RIMS2: variants seen among roughly 807,000 people sequenced by gnomAD.
RIMS2 encodes the protein regulating synaptic membrane exocytosis protein 2.
A neutral mutation model predicts 174.4 loss-of-function variants in RIMS2; 59 were observed. The ratio of observed to expected loss-of-function variants is 0.34; its 90% confidence interval spans 0.27 to 0.42. The LOEUF is 0.42. Among genes scored for constraint, RIMS2 ranks in the 10% least tolerant of loss-of-function variants. The pLI, the probability that RIMS2 is intolerant of heterozygous loss-of-function variation, is 1.00. For synonymous variants in RIMS2, 606 were observed against 572.5 expected (o/e 1.06, Z -0.84); for missense variants, 1,620 against 1,666.3 (o/e 0.97, Z 0.48).
chr8:104,238,195 A>G (rs978805037), intron 19 of RIMS2, among the ~76,000 whole-genome samples: 1 of 152,134 alleles, frequency 6.6e-6, no homozygotes, highest in African/African-American at 2.4e-5. Flanking sequence ...AAACTAACAC[A>G]GAACAGAAAA....
At chr8:104,231,324 G>C (rs1306282372) in intron 19 of RIMS2, among the ~76,000 whole-genome samples, 1 of 151,340 alleles carries the variant, frequency 6.6e-6, no homozygotes. Context: ...CCTTTAGCCT[G>C]ACATTCAAGT....
intron 2 of RIMS2, among the ~76,000 whole-genome samples, chr8:103,760,766 C>T (rs546397545): frequency 1.7e-4 from 26 of 152,268 alleles, no homozygotes; most frequent in Middle Eastern, 3.4e-3. Flanking sequence ...TGCTTATTGT[C>T]TCCCTAGTAC....
intron 2 of RIMS2, among the ~76,000 whole-genome samples, chr8:103,704,447 G>C (rs2097201243): frequency 6.6e-6 from 1 of 151,818 alleles, no homozygotes; most frequent in Non-Finnish European, 1.5e-5. Context: ...CTGTGTCTTT[G>C]CCTGTTTTCA....
At chr8:104,079,598 GATATATAT>G (rs5893676) in intron 19 of RIMS2, among the ~76,000 whole-genome samples, 659 of 50,952 alleles carry the variant, frequency 0.013, 6 homozygotes, top group East Asian at 0.032. Flanking sequence ...GATTAAGCAT[GATATATAT>G]ATATATATAT....
At position 103,885,591 on chromosome 8, in the gene RIMS2, C is replaced by T. The variant is rs1360252085; in HGVS notation, c.992C>T (p.Ser331Leu). Residue 331 changes from serine (S) to leucine (L), a missense_variant, in exon 4 of 24, where the codon TCA becomes TTA. Physicochemically the swap from Ser to Leu is moderately radical, Grantham distance 145 (BLOSUM62 -2). Coordinates refer to ENST00000504942, the Ensembl canonical transcript of RIMS2. ...CAAAGGAGAGAGGAAGAGTACCAGTCACGCTACCGAAGTGATCCGAATTTG... is the reference window on the plus strand; with the variant it reads ...CAAAGGAGAGAGGAAGAGTACCAGTTACGCTACCGAAGTGATCCGAATTTG... The T allele has an allele frequency of 1.2e-6, 2 of 1,612,826 alleles. No individual in the cohort carries two copies. The highest frequency in any genetic ancestry group is 1.7e-5 in the Admixed American group (1 of 59,784).
intron 1 of RIMS2, among the ~76,000 whole-genome samples, chr8:103,649,648 C>CTTTTTTTTTTTTTTTTTTTT (rs71575979): frequency 7.0e-6 from 1 of 143,408 alleles, no homozygotes. Flanking sequence ...CCTTTTCATT[C>CTTTTTTTTTTTTTTTTTTTT]TTTTTTTTTT....
chr8:104,016,506 A>G (rs2095910823), intron 19 of RIMS2, among the ~76,000 whole-genome samples: 1 of 152,044 alleles, frequency 6.6e-6, no homozygotes, highest in South Asian at 2.1e-4. Flanking sequence ...ATCCAGTGAT[A>G]TTGTGACTGA....
At chr8:103,793,136 G>A (rs1005154327) in intron 3 of RIMS2, among the ~76,000 whole-genome samples, 1 of 152,126 alleles carries the variant, frequency 6.6e-6, no homozygotes, top group Non-Finnish European at 1.5e-5. Context: ...TAAAAAAAGA[G>A]AATTTTAGAC....
intron 1 of RIMS2, among the ~76,000 whole-genome samples, chr8:103,580,557 A>G (rs2093550010): frequency 6.6e-6 from 1 of 152,160 alleles, no homozygotes; most frequent in African/African-American, 2.4e-5. Context: ...TAGTACATAA[A>G]GCAAACATTA....
chr8:104,214,434 C>A (rs1488285719), intron 19 of RIMS2, among the ~76,000 whole-genome samples: 3 of 152,052 alleles, frequency 2.0e-5, no homozygotes, highest in African/African-American at 7.2e-5. Flanking sequence ...ACAAGACAGA[C>A]AAACCCTTAT....
At chr8:103,922,188 T>G (rs1212230276) in intron 10 of RIMS2, among the ~76,000 whole-genome samples, 1 of 151,960 alleles carries the variant, frequency 6.6e-6, no homozygotes, top group Non-Finnish European at 1.5e-5. Flanking sequence ...GCTTTTCAAC[T>G]TTAAGGATAT....
At position 104,190,157 on chromosome 8, in the gene RIMS2, C is replaced by G. The variant is rs148128691; in HGVS notation, c.3335-54759C>G. Among the ~76,000 whole-genome samples, 528 of 152,052 alleles carry G rather than the reference C, an allele frequency of 3.5e-3. 3 individuals carry two copies. Among genetic ancestry groups the G allele is most frequent in the African/African-American group, 0.012 (505 of 41,476 alleles). On this transcript the variant is annotated intron_variant, in intron 19 of 23. Coordinates refer to ENST00000504942, the Ensembl canonical transcript of RIMS2. ...TCTCTACAAAAAATTAGAACATTAGCTGGATGTGGTGGTACATGGCTGTAG... is the reference window on the plus strand; with the variant it reads ...TCTCTACAAAAAATTAGAACATTAGGTGGATGTGGTGGTACATGGCTGTAG...
At chr8:104,029,252 G>A (rs1356313224) in intron 19 of RIMS2, among the ~76,000 whole-genome samples, 1 of 152,104 alleles carries the variant, frequency 6.6e-6, no homozygotes, top group Non-Finnish European at 1.5e-5. Flanking sequence ...TGTTTTATTA[G>A]CAAGGTCTTC....
At chr8:103,975,813 G>A (rs2093365568) in intron 16 of RIMS2, 1 of 208,894 alleles carries the variant, frequency 4.8e-6, no homozygotes, top group Non-Finnish European at 9.4e-6. Context: ...AAGTTCCAGA[G>A]TCCAAAGGCC....
chr8:103,722,281 G>C (rs2097459268), intron 2 of RIMS2, among the ~76,000 whole-genome samples: 1 of 152,012 alleles, frequency 6.6e-6, no homozygotes, highest in African/African-American at 2.4e-5. Flanking sequence ...GTGAGGAGAT[G>C]GTTTCGGGAT....
chr8:103,557,811 G>T (rs552450270), intron 1 of RIMS2, among the ~76,000 whole-genome samples: 2 of 152,158 alleles, frequency 1.3e-5, no homozygotes, highest in African/African-American at 4.8e-5. Context: ...GTACAATTTT[G>T]AAAATGTACA....
chr8:103,834,744 C>CTTTCTT (rs1216333752), intron 3 of RIMS2, among the ~76,000 whole-genome samples: 1,569 of 105,190 alleles, frequency 0.015, 69 homozygotes, highest in African/African-American at 0.053. Context: ...TTCTTTCTTT[C>CTTTCTT]TCTCTCTTTC....
chr8:103,927,832 T>C, intron 10 of RIMS2: 1 of 1,602,390 alleles, frequency 6.2e-7, no homozygotes, highest in Non-Finnish European at 8.5e-7. Context: ...TCTTTAATTT[T>C]GCTTACCAGA....
chr8:104,021,217 A>G (rs1024463275), intron 19 of RIMS2, among the ~76,000 whole-genome samples: 3 of 152,120 alleles, frequency 2.0e-5, no homozygotes, highest in Non-Finnish European at 4.4e-5. Context: ...TAACACTAAA[A>G]TACAGTTTTT....
Sources: gnomAD v4.1 joint callset for allele counts (sites outside exome capture counted in the v4.1 genomes callset) on GRCh38, gnomAD v4.1.1 for gene constraint, MANE v1.5 for transcripts, NCBI Gene and HGNC (gene_info 2026-07-23, HGNC 2026-07-21) for gene names.